Variants in C2 observed in about 807,000 individuals in gnomAD.
The protein encoded by C2 is complement C2, also known as C3/C5 convertase.
In C2, 64 loss-of-function variants were observed where a neutral mutation model predicts 85.2. That is an observed-to-expected ratio of 0.75 (90% CI 0.61 to 0.92). The LOEUF (loss-of-function observed/expected upper bound fraction) is 0.92, where lower values mean the gene tolerates loss of function less well. Ranked by LOEUF, C2 falls within the 40% of genes least tolerant of loss-of-function variation. The pLI, the probability that C2 is intolerant of heterozygous loss-of-function variation, is 0.00. For synonymous variants in C2, 311 were observed against 370.8 expected, an observed-to-expected ratio of 0.84 and a Z score of 1.85; for missense variants, 820 against 971.6, an observed-to-expected ratio of 0.84 and a Z score of 2.07.
intron 1 of C2, chr6:31,901,798 C>A (rs987776543): frequency 1.9e-5 from 3 of 161,360 alleles, no homozygotes; most frequent in African/African-American, 7.3e-5. Context: ...CGTGGCACGC[C>A]CCCCCAGCCC....
At chr6:31,937,222 A>T (rs1770491750) in intron 7 of C2, 97 bp from the exon 8 acceptor site, 2 of 1,348,260 alleles carry the variant, frequency 1.5e-6, no homozygotes, top group Non-Finnish European at 2.1e-6. Context: ...AAAAAAAAAA[A>T]TTGCATTTCC....
chr6:31,917,632 G>A (rs1201186216), upstream of C2, among the ~76,000 whole-genome samples: 1 of 152,052 alleles, frequency 6.6e-6, no homozygotes, highest in African/African-American at 2.4e-5. Context: ...AAGGCCAGGC[G>A]CGGTGGCTCA....
At chr6:31,902,314 C>A (rs1475060472) in intron 1 of C2, among the ~76,000 whole-genome samples, 1 of 151,846 alleles carries the variant, frequency 6.6e-6, no homozygotes, top group Admixed American at 6.6e-5. Flanking sequence ...GCGCGGAGGC[C>A]CGCTCACTCG....
In C2 at chr6:31,933,650, G is replaced by A. The variant is rs765581026; in HGVS notation, c.483G>A (p.Val161=). ...CPNPGISLGA[V]RTGFRFGHGD... is the part of the protein sequence containing the mutation. Reference sequence around the variant, plus strand: ...ACCCAGGCATTTCACTGGGCGCAGTGCGGACAGGCTTCCGCTTTGGTCATG... The same window carrying A: ...ACCCAGGCATTTCACTGGGCGCAGTACGGACAGGCTTCCGCTTTGGTCATG... The change falls in exon 4 of 18, where the codon GTG becomes GTA. Residue 161 remains valine, a synonymous_variant. Coordinates refer to ENST00000299367, the MANE Select transcript of C2 (RefSeq NM_000063.6). The A allele has an allele frequency of 4.0e-5, 65 of 1,613,026 alleles. No individual in the cohort carries two copies. The highest frequency in any genetic ancestry group is 5.2e-5 in the Non-Finnish European group (61 of 1,180,054).
At chr6:31,927,504 T>C (rs1340157748), upstream of C2, 4 of 1,433,072 alleles carry the variant, frequency 2.8e-6, no homozygotes, top group Admixed American at 8.6e-5. The surrounding 1 kb of genome is among the most constrained non-coding windows in gnomAD (Gnocchi z 4.7). Context: ...ACAAAGCCTG[T>C]GGGGGAGATC....
In C2 at chr6:31,904,723, T is replaced by G. The variant is rs1767605324; in HGVS notation, c.73+3584T>G. On this transcript the variant is annotated intron_variant, in intron 1 of 3. Coordinates refer to the C2 transcript ENST00000452202. This position sits in a 1 kb window ranked among gnomAD's most constrained non-coding sequence, Gnocchi z 4.4. ...CAGTGAGAGCAGAAATACAAAAAGC[T>G]GTCAAGTTAAGAATTAGAGTTTGTA... Among the ~76,000 whole-genome samples the G allele has an allele frequency of 6.6e-6, 1 of 152,086 alleles. No individual in the cohort carries two copies. The highest frequency in any genetic ancestry group is 1.5e-5 in the Non-Finnish European group (1 of 68,040).
In C2 at chr6:31,934,288, A is replaced by T. The variant is rs1562598341; in HGVS notation, c.838A>T (p.Met280Leu). The change falls in exon 6 of 18, where the codon ATG becomes TTG. Residue 280 changes from methionine (M) to leucine (L), a missense_variant. Transcript: ENST00000299367. The stretch of plus-strand genomic sequence containing the variant: ...CATCTTCAAGGAGAGCGCCTCCCTC[A>T]TGGTGGACAGGGTCAGGAATCAGGA... ...FLIFKESASL[M>L]VDRIFSFEIN... 1 of 1,614,118 alleles carries T rather than the reference A, an allele frequency of 6.2e-7. No homozygotes were observed. The highest frequency in any genetic ancestry group is 1.3e-5 in the African/African-American group (1 of 75,034).
At chr6:31,900,079 G>A (rs1218295623), upstream of C2, 12 of 1,613,572 alleles carry the variant, frequency 7.4e-6, no homozygotes, top group Non-Finnish European at 1.0e-5. The surrounding 1 kb of genome is among the most constrained non-coding windows in gnomAD (Gnocchi z 9.7). Flanking sequence ...GCGCTCCCGA[G>A]TGCAGGTTGA....
At chr6:31,936,971 T>C in intron 7 of C2, 1 of 305,186 alleles carries the variant, frequency 3.3e-6, no homozygotes, top group Non-Finnish European at 6.3e-6. Flanking sequence ...CCCAGCACTT[T>C]GGGAGGCTGA....
chr6:31,900,460 G>C (rs768390998), upstream of C2: 7 of 1,587,810 alleles, frequency 4.4e-6, no homozygotes, highest in Non-Finnish European at 6.0e-6. This position sits in a 1 kb window ranked among gnomAD's most constrained non-coding sequence, Gnocchi z 9.7. Flanking sequence ...CCCGGCCTCC[G>C]GGAATCAACA....
intron 1 of C2, among the ~76,000 whole-genome samples, chr6:31,914,646 T>G (rs1426179975): frequency 7.1e-6 from 1 of 140,424 alleles, no homozygotes; most frequent in African/African-American, 2.7e-5. Flanking sequence ...GGCGCGGTGG[T>G]TCACGCCTGT....
upstream of C2, among the ~76,000 whole-genome samples, chr6:31,898,171 T>C (rs1301296145): frequency 6.6e-6 from 1 of 152,228 alleles, no homozygotes; most frequent in Non-Finnish European, 1.5e-5. Flanking sequence ...TCTAGCATGC[T>C]GCTTCATGTC....
intron 1 of C2, among the ~76,000 whole-genome samples, chr6:31,907,580 CAAAAA>C (rs752096679): frequency 3.8e-5 from 3 of 79,186 alleles, no homozygotes; most frequent in Non-Finnish European, 6.9e-5. Flanking sequence ...AAGACCCTGT[CAAAAA>C]AAAAAAAAAA....
intron 1 of C2, among the ~76,000 whole-genome samples, chr6:31,903,071 C>G (rs928154786): frequency 1.3e-5 from 2 of 152,182 alleles, no homozygotes; most frequent in Non-Finnish European, 2.9e-5. Context: ...AGCGACAGCA[C>G]TTAGGAGCGT....
upstream of C2, among the ~76,000 whole-genome samples, chr6:31,899,238 C>T (rs1428692581): frequency 1.3e-5 from 2 of 151,392 alleles, no homozygotes; most frequent in African/African-American, 4.9e-5. Flanking sequence ...TCTTTCTTTT[C>T]TAAGTGCCCT....
chr6:31,934,965 G>A (rs572305917), intron 6 of C2: 17 of 387,260 alleles, frequency 4.4e-5, no homozygotes, highest in African/African-American at 8.7e-5. Flanking sequence ...CTGAGATCAC[G>A]CCATTGCACT....
rs1034766554 is a variant in C2, at chr6:31,921,462, G to T, written c.-100+1436G>T. Among the ~76,000 whole-genome samples, 1 of 152,076 alleles carries T rather than the reference G, an allele frequency of 6.6e-6. No individual in the cohort carries two copies. The highest frequency in any genetic ancestry group is 2.4e-5 in the African/African-American group (1 of 41,384). On this transcript the variant is annotated intron_variant, in intron 1 of 3. Transcript: ENST00000413154. This position sits in a 1 kb window ranked among gnomAD's most constrained non-coding sequence, Gnocchi z 4.6. ...GGTGCCAAGAGGAAAGAGCCTAGGG[G>T]AGAGAGGGCTTGGAAATGCAAGGGG...
chr6:31,899,901 C>T (rs1356722025), upstream of C2: 1 of 1,541,904 alleles, frequency 6.5e-7, no homozygotes, highest in Non-Finnish European at 8.7e-7. Flanking sequence ...GGGGCCCCAG[C>T]CTCCTGGCCT....
rs2151770663 is a variant in C2, at chr6:31,943,172, G to A, written c.1361-53G>A. 1 of 1,612,200 alleles carries A rather than the reference G, an allele frequency of 6.2e-7. No individual in the cohort carries two copies. Among genetic ancestry groups the A allele is most frequent in the South Asian group, 1.1e-5 (1 of 91,058 alleles). On this transcript the variant is annotated intron_variant, in intron 10 of 17. Transcript: ENST00000299367. This position sits in a 1 kb window ranked among gnomAD's most constrained non-coding sequence, Gnocchi z 6.4. ...CGCCAGAGGCCCGTGTTGGGAACCT[G>A]GACACAGTGCCCCTCACTTGCCTCC...
Sources: allele counts gnomAD v4.1 joint callset (sites outside exome capture counted in the v4.1 genomes callset), GRCh38; gene constraint gnomAD v4.1.1; non-coding constraint Gnocchi (gnomAD v3.1); transcripts MANE v1.5; gene names NCBI Gene and HGNC (gene_info 2026-07-23, HGNC 2026-07-21).